The following OSBPL3 variants were observed in gnomAD, a reference collection of about 807,000 sequenced individuals.
OSBPL3 encodes the protein oxysterol binding protein like 3, also known as oxysterol-binding protein-related protein 3.
In OSBPL3, 65 loss-of-function variants were observed where a neutral mutation model predicts 120.1. That is an observed-to-expected ratio of 0.54 (90% CI 0.44 to 0.67). OSBPL3 has a LOEUF of 0.67. Ranked by LOEUF, OSBPL3 falls within the 30% of genes least tolerant of loss-of-function variation. The pLI, the probability that OSBPL3 is intolerant of heterozygous loss-of-function variation, is 0.00. For missense variants in OSBPL3, 1,004 were observed against 1,082.1 expected, an observed-to-expected ratio of 0.93 and a Z score of 1.01; for synonymous variants, 416 against 402.6, an observed-to-expected ratio of 1.03 and a Z score of -0.40.
chr7:24,841,717 A>AAAAAAAAAAAAAG lies in OSBPL3; in HGVS notation c.1401+561_1401+562insCTTTTTTTTTTTT, dbSNP rs70942886. On this transcript the variant is annotated intron_variant, in intron 13 of 22. Coordinates refer to ENST00000313367, the MANE Select transcript of OSBPL3 (RefSeq NM_015550.4). Reference sequence around the variant, plus strand: ...CTCAAAAAAAAAAAAAAAAAAAAAAAAAAAGAGGCCAGGCACAGTGGCTCA... The same window carrying AAAAAAAAAAAAAG: ...CTCAAAAAAAAAAAAAAAAAAAAAAAAAAAAAAAAAAAGAAAAGAGGCCAGGCACAGTGGCTCA... 5.5e-3 allele frequency among the ~76,000 whole-genome samples: 459 copies of AAAAAAAAAAAAAG among 82,790 alleles called. 88 individuals carry two copies. Among genetic ancestry groups the AAAAAAAAAAAAAG allele is most frequent in the African/African-American group, 8.2e-3 (171 of 20,774 alleles). The allele number at this position is 82,790 out of a possible 152,430, so 54.3% of individuals were successfully genotyped here.
intron 1 of OSBPL3, among the ~76,000 whole-genome samples, chr7:24,977,380 G>A (rs923155277): frequency 1.3e-5 from 2 of 152,160 alleles, no homozygotes; most frequent in African/African-American, 2.4e-5. Flanking sequence ...TTTAATATTT[G>A]TATCACTGGA....
chr7:24,884,952 C>T (rs1033074913), intron 2 of OSBPL3, among the ~76,000 whole-genome samples: 3 of 151,970 alleles, frequency 2.0e-5, no homozygotes, highest in African/African-American at 7.3e-5. Flanking sequence ...TTTAGAGATG[C>T]TAAATCTTAG....
intron 10 of OSBPL3, among the ~76,000 whole-genome samples, chr7:24,859,163 C>A (rs1443330319): frequency 6.6e-6 from 1 of 151,974 alleles, no homozygotes; most frequent in Non-Finnish European, 1.5e-5. Flanking sequence ...ACCTCATATC[C>A]AACATGTTTT....
intron 14 of OSBPL3, among the ~76,000 whole-genome samples, chr7:24,837,968 C>T (rs576713682): frequency 5.9e-5 from 9 of 152,300 alleles, no homozygotes; most frequent in African/African-American, 2.2e-4. Flanking sequence ...CTCATGTTTA[C>T]TATAAACTCA....
rs1179926443 is a variant in OSBPL3 at position 24,820,842 on chromosome 7, T to A, written c.1885-604A>T. On this transcript the variant is annotated intron_variant, in intron 16 of 22. Coordinates refer to ENST00000313367, the MANE Select transcript of OSBPL3 (RefSeq NM_015550.4). The surrounding 1 kb of genome is among the most constrained non-coding windows in gnomAD (Gnocchi z 4.6). ...TAAAAAAAAAAAAGGTAAACACAATTGTTGAGGAAATGTTAGTCAACTGTT... is the reference window on the plus strand; with the variant it reads ...TAAAAAAAAAAAAGGTAAACACAATAGTTGAGGAAATGTTAGTCAACTGTT... Among the ~76,000 whole-genome samples, 1 of 150,970 alleles carries A rather than the reference T, an allele frequency of 6.6e-6. No individual in the cohort carries two copies. The highest frequency in any genetic ancestry group is 2.4e-5 in the African/African-American group (1 of 41,004).
intron 10 of OSBPL3, among the ~76,000 whole-genome samples, chr7:24,859,333 AAAT>A (rs987353998): frequency 6.6e-6 from 1 of 151,796 alleles, no homozygotes; most frequent in Non-Finnish European, 1.5e-5. Flanking sequence ...TCTCTTTAAG[AAAT>A]AATATATGAA....
intron 7 of OSBPL3, among the ~76,000 whole-genome samples, 167 bp downstream of exon 7, chr7:24,865,175 G>A (rs1333508276): frequency 6.6e-6 from 1 of 152,196 alleles, no homozygotes; most frequent in Non-Finnish European, 1.5e-5. Flanking sequence ...GCAAAGATCT[G>A]CAAGGAGAGT....
At position 24,899,853 on chromosome 7, in the gene OSBPL3, T is replaced by C. The variant is rs1446793090; in HGVS notation, c.-149-7232A>G. Among the ~76,000 whole-genome samples, 3 of 152,248 alleles carry C rather than the reference T, an allele frequency of 2.0e-5. No individual in the cohort carries two copies. The highest frequency in any genetic ancestry group is 7.2e-5 in the African/African-American group (3 of 41,458). Reference sequence around the variant, plus strand: ...AGATTTTGCTCCACTTTAGATGAGTTGAATCAGAATTTCTATCTAGAGACG... The same window carrying C: ...AGATTTTGCTCCACTTTAGATGAGTCGAATCAGAATTTCTATCTAGAGACG... On this transcript the variant is annotated intron_variant, in intron 1 of 22. Coordinates refer to ENST00000313367, the MANE Select transcript of OSBPL3 (RefSeq NM_015550.4). The surrounding 1 kb of genome is among the most constrained non-coding windows in gnomAD (Gnocchi z 4.0).
At chr7:24,840,191 A>G (rs1418418662) in intron 14 of OSBPL3, among the ~76,000 whole-genome samples, 1 of 151,916 alleles carries the variant, frequency 6.6e-6, no homozygotes, top group Non-Finnish European at 1.5e-5. Flanking sequence ...CTTACATACT[A>G]CTTGCTAGAG....
chr7:24,820,694 G>T lies in OSBPL3; in HGVS notation c.1885-456C>A, dbSNP rs978508758. Among the ~76,000 whole-genome samples, 2 of 151,986 alleles carry T rather than the reference G, an allele frequency of 1.3e-5. No individual in the cohort carries two copies. The highest frequency in any genetic ancestry group is 2.4e-5 in the African/African-American group (1 of 41,376). ...AAGTATTTTAAATGCAACCCAAAAT[G>T]TTCTTCCTCGGGCTCAGCCAATTTA... On this transcript the variant is annotated intron_variant, in intron 16 of 22. Transcript: ENST00000313367. The surrounding 1 kb of genome is among the most constrained non-coding windows in gnomAD (Gnocchi z 4.6).
chr7:24,974,443 A>T (rs987429294), intron 1 of OSBPL3, among the ~76,000 whole-genome samples: 2 of 152,234 alleles, frequency 1.3e-5, no homozygotes, highest in Non-Finnish European at 2.9e-5. Context: ...TTACACTTTT[A>T]GTAAAATGCT....
At chr7:24,853,168 T>C (rs1799380660) in intron 10 of OSBPL3, among the ~76,000 whole-genome samples, 1 of 152,044 alleles carries the variant, frequency 6.6e-6, no homozygotes, top group Admixed American at 6.6e-5. Flanking sequence ...CCCCAAAGAC[T>C]GGAAAGGGTT....
intron 1 of OSBPL3, among the ~76,000 whole-genome samples, chr7:24,895,358 G>A (rs1220332225): frequency 6.6e-6 from 1 of 152,160 alleles, no homozygotes; most frequent in African/African-American, 2.4e-5. Flanking sequence ...GTATCATGCT[G>A]TACAGGTTTG....
rs1334703238 is a variant in OSBPL3, at chr7:24,804,376, G to T, written c.2506C>A (p.Gln836Lys). The change falls in exon 22 of 23, where the codon CAG (glutamine) becomes AAG (lysine). Residue 836 changes from glutamine to lysine, a missense_variant. By Grantham distance (53) the Gln-to-Lys change is moderately conservative. This residue lies in a region of OSBPL3 where 473 missense variants were observed against 568.0 expected (regional missense o/e 0.83). Transcript: ENST00000313367. This position sits in a 1 kb window ranked among gnomAD's most constrained non-coding sequence, Gnocchi z 5.4. ...EIQKQRIEQL[Q>K]RERRRVLEEN... is the part of the protein sequence containing the mutation. ...TCTAAGACCCGCCGCCTTTCTCTCTGCAGTTGTTCAATCCTCTGCTTTTGT... is the reference window on the plus strand; with the variant it reads ...TCTAAGACCCGCCGCCTTTCTCTCTTCAGTTGTTCAATCCTCTGCTTTTGT... The T allele has an allele frequency of 2.5e-6, 4 of 1,613,842 alleles. No individual in the cohort carries two copies. The highest frequency in any genetic ancestry group is 3.4e-6 in the Non-Finnish European group (4 of 1,179,920).
intron 12 of OSBPL3, among the ~76,000 whole-genome samples, chr7:24,843,352 G>C (rs1163459176): frequency 6.6e-6 from 1 of 152,198 alleles, no homozygotes; most frequent in Non-Finnish European, 1.5e-5. Flanking sequence ...TTCAGGACAG[G>C]ATGATTTGAT....
At position 24,879,852 on chromosome 7, in the gene OSBPL3, A is replaced by G. The variant is rs1443348510; in HGVS notation, c.97-7783T>C. ...TCACTCACTCAGCATTTATGGCTAC[A>G]ATTACTTTGGCATGTTTTTAGGCCC... is the stretch of plus-strand genomic sequence containing the variant. On this transcript the variant is annotated intron_variant, in intron 2 of 22. Transcript: ENST00000313367. This position sits in a 1 kb window ranked among gnomAD's most constrained non-coding sequence, Gnocchi z 5.6. 3.3e-5 allele frequency among the ~76,000 whole-genome samples: 5 copies of G among 152,228 alleles called. No homozygotes were observed. Among genetic ancestry groups the G allele is most frequent in the Admixed American group, 3.3e-4 (5 of 15,280 alleles).
Position 24,834,264 on chromosome 7 carries a change from A to T in OSBPL3, c.1746+222T>A. 1 of 1,358,026 alleles carries T rather than the reference A, an allele frequency of 7.4e-7. No homozygotes were observed. 84.1% of individuals were successfully genotyped at this position (1,358,026 alleles called of 1,614,324 possible). A position where few individuals can be genotyped will look rare whatever the true frequency, so the allele number is the denominator to read the frequency against. On this transcript the variant is annotated intron_variant, in intron 15 of 22. Coordinates refer to ENST00000313367, the MANE Select transcript of OSBPL3 (RefSeq NM_015550.4). This position sits in a 1 kb window ranked among gnomAD's most constrained non-coding sequence, Gnocchi z 5.2. ...CAGAACAGAACTACCCCAGGCACCA[A>T]GTGCCACGGAGAAGCACCCCAACCC...
At chr7:24,838,491 G>A (rs11980561) in intron 14 of OSBPL3, among the ~76,000 whole-genome samples, 1,637 of 152,260 alleles carry the variant, frequency 0.011, 41 homozygotes, top group African/African-American at 0.037. Context: ...GTGAGACCCT[G>A]TCTTCATACA....
chr7:24,976,947 T>C (rs1160680297), intron 1 of OSBPL3, among the ~76,000 whole-genome samples: 2 of 152,102 alleles, frequency 1.3e-5, no homozygotes, highest in Non-Finnish European at 2.9e-5. Flanking sequence ...GTGGTACCCA[T>C]GCCACTCTTC....
Sources: allele counts gnomAD v4.1 joint callset (sites outside exome capture counted in the v4.1 genomes callset), GRCh38; gene constraint gnomAD v4.1.1; regional missense constraint gnomAD v4.1.1; non-coding constraint Gnocchi (gnomAD v3.1); transcripts MANE v1.5; gene names NCBI Gene and HGNC (gene_info 2026-07-23, HGNC 2026-07-21).